GGA2: variants seen among roughly 807,000 people sequenced by gnomAD.
GGA2 encodes golgi associated, gamma adaptin ear containing, ARF binding protein 2.
Under a neutral mutation model 79.5 loss-of-function variants are expected in GGA2, and 48 were observed. The ratio of observed to expected loss-of-function variants is 0.60; its 90% CI spans 0.48 to 0.77. GGA2 has a LOEUF of 0.77. GGA2 is among the 30% of genes least tolerant of loss of function. The pLI is 0.00. For missense variants in GGA2, 770 were observed against 774.0 expected, an observed-to-expected ratio of 0.99 and a Z score of 0.06; for synonymous variants, 317 against 302.0, an observed-to-expected ratio of 1.05 and a Z score of -0.51.
intron 9 of GGA2, among the ~76,000 whole-genome samples, chr16:23,481,329 C>T (rs904078555): frequency 2.6e-5 from 4 of 152,076 alleles, no homozygotes; most frequent in African/African-American, 7.2e-5. Flanking sequence ...GCTGAGATCG[C>T]ACCATTGCAC....
rs1035571598 is a variant in GGA2, at chr16:23,474,894, T to C, written c.1450+10A>G. On this transcript the variant is annotated intron_variant, in intron 14 of 16. Transcript: ENST00000309859. ...AAAAAAAAAAAGGTGGGGAGTGAAA[T>C]TGTACTTACTGGGCTTAACAGACTC... 3.1e-6 allele frequency: 5 copies of C among 1,593,194 alleles called. No homozygotes were observed. Among genetic ancestry groups the C allele is most frequent in the East Asian group, 2.2e-5 (1 of 44,748 alleles).
At chr16:23,484,133 C>G (rs1964683333) in intron 8 of GGA2, among the ~76,000 whole-genome samples, 1 of 151,396 alleles carries the variant, frequency 6.6e-6, no homozygotes, top group African/African-American at 2.4e-5. Context: ...ACTGGCCAGG[C>G]ACAGTGGCTC....
intron 2 of GGA2, among the ~76,000 whole-genome samples, chr16:23,517,995 C>A (rs543121943): frequency 6.6e-6 from 1 of 152,038 alleles, no homozygotes; most frequent in East Asian, 1.9e-4. Flanking sequence ...TCACTGCAAC[C>A]TCTGCCTCCC....
intron 1 of GGA2, among the ~76,000 whole-genome samples, chr16:23,497,509 T>C (rs1437466076): frequency 1.3e-5 from 2 of 152,118 alleles, no homozygotes; most frequent in African/African-American, 4.8e-5. Flanking sequence ...GTAATCACCA[T>C]CTTCCTGCCC....
chr16:23,485,660 G>A (rs561396654), intron 8 of GGA2, among the ~76,000 whole-genome samples: 3 of 152,280 alleles, frequency 2.0e-5, no homozygotes, highest in South Asian at 2.1e-4. Context: ...TCCAGGTGAC[G>A]GGACAGTACC....
chr16:23,495,085 A>G lies in GGA2; in HGVS notation c.176+609T>C, dbSNP rs1441842479. Among the ~76,000 whole-genome samples, 3 of 90,702 alleles carry G rather than the reference A, an allele frequency of 3.3e-5. No homozygotes were observed. In the East Asian group the frequency reaches 9.0e-4, roughly 27 times the overall value. The allele number at this position is 90,702 out of a possible 152,430, so 59.5% of individuals were successfully genotyped here. A position where few individuals can be genotyped will look rare whatever the true frequency, so the allele number is the denominator to read the frequency against. On this transcript the variant is annotated intron_variant, in intron 2 of 16. Transcript: ENST00000309859. ...TGAGACACTCTGTCTCAGGAAAAAA[A>G]AAAAAAGAAAAGAAAAGAAAACAAA...
At chr16:23,493,866 C>T (rs1596989808) in intron 3 of GGA2, 1 of 296,818 alleles carries the variant, frequency 3.4e-6, no homozygotes, top group South Asian at 4.0e-5. Flanking sequence ...CCCCTCCTCT[C>T]GTCCATACTG....
chr16:23,480,467 C>T (rs1964632886), intron 10 of GGA2, 178 bp downstream of exon 10: 1 of 571,948 alleles, frequency 1.7e-6, no homozygotes, highest in African/African-American at 1.9e-5. Context: ...CGGCAACCAG[C>T]TCATGACAAT....
At chr16:23,524,236 A>T, upstream of GGA2, 1 of 761,210 alleles carries the variant, frequency 1.3e-6, no homozygotes, top group Non-Finnish European at 2.3e-6. Flanking sequence ...ACTTGTGTGC[A>T]GTCAGAGATT....
intron 1 of GGA2, among the ~76,000 whole-genome samples, chr16:23,520,114 C>T (rs1567374646): frequency 6.6e-6 from 1 of 151,828 alleles, no homozygotes; most frequent in Non-Finnish European, 1.5e-5. Context: ...GCTATGGCGG[C>T]ACATGGCACA....
chr16:23,465,403 C>G lies in GGA2; in HGVS notation c.*2187G>C. On this transcript the variant is annotated 3_prime_UTR_variant, in exon 17 of 17. Transcript: ENST00000309859. ...AGCCACTTTCAGGACAGCAGCCTGC[C>G]TCCTCTCCTCCTACCCCTATCCTGT... is the stretch of plus-strand genomic sequence containing the variant. 1.4e-6 allele frequency: 1 copy of G among 703,016 alleles called. No individual in the cohort carries two copies. Among genetic ancestry groups the G allele is most frequent in the African/African-American group, 1.7e-5 (1 of 57,386 alleles). The allele number at this position is 703,016 out of a possible 1,614,324, so 43.5% of individuals were successfully genotyped here.
chr16:23,472,461 G>A (rs952962716), intron 14 of GGA2, among the ~76,000 whole-genome samples: 5 of 151,458 alleles, frequency 3.3e-5, no homozygotes, highest in African/African-American at 9.7e-5. Flanking sequence ...GCCTCCCAAC[G>A]TGCTGGGATT....
chr16:23,492,458 T>C (rs575250475), intron 4 of GGA2, among the ~76,000 whole-genome samples: 3 of 152,162 alleles, frequency 2.0e-5, no homozygotes, highest in African/African-American at 7.2e-5. Context: ...AAGCCAGCAA[T>C]GATGTGTAAA....
intron 1 of GGA2, among the ~76,000 whole-genome samples, chr16:23,499,411 T>C (rs764177867): frequency 2.0e-5 from 3 of 151,908 alleles, no homozygotes; most frequent in Non-Finnish European, 2.9e-5. Flanking sequence ...CCCAAAGTAG[T>C]GGGATTACAG....
At chr16:23,493,078 T>C (rs1388503999) in intron 4 of GGA2, among the ~76,000 whole-genome samples, 1 of 152,216 alleles carries the variant, frequency 6.6e-6, no homozygotes, top group Non-Finnish European at 1.5e-5. Flanking sequence ...TCACTGTCTC[T>C]ATCAGGAACC....
chr16:23,516,174 AT>A (rs141853514), intron 2 of GGA2, among the ~76,000 whole-genome samples: 12,408 of 150,844 alleles, frequency 0.082, 900 homozygotes, highest in African/African-American at 0.19. Context: ...TGCCCGGCCA[AT>A]TTTTTTTTCT....
chr16:23,478,326 C>T (rs1458450902), intron 13 of GGA2, 42 bp downstream of exon 13: 2 of 1,517,824 alleles, frequency 1.3e-6, no homozygotes, highest in African/African-American at 1.4e-5. Flanking sequence ...GAACCGCACT[C>T]AGGAGCCACA....
At chr16:23,475,121 G>C (rs1180075900) in intron 13 of GGA2, 60 bp from the exon 14 acceptor site, 10 of 1,077,768 alleles carry the variant, frequency 9.3e-6, no homozygotes, top group Non-Finnish European at 1.2e-5. Context: ...CCTGGAATCT[G>C]GGTTAGGCTT....
At chr16:23,470,549 G>A (rs1217383043) in intron 14 of GGA2, among the ~76,000 whole-genome samples, 1 of 152,066 alleles carries the variant, frequency 6.6e-6, no homozygotes, top group Non-Finnish European at 1.5e-5. Flanking sequence ...GATCACTTGA[G>A]GTTAAGAGTT....
Sources: gnomAD v4.1 joint callset for allele counts (sites outside exome capture counted in the v4.1 genomes callset) on GRCh38, gnomAD v4.1.1 for gene constraint, MANE v1.5 for transcripts, NCBI Gene and HGNC (gene_info 2026-07-23, HGNC 2026-07-21) for gene names.